ADCY1: variants seen among roughly 807,000 people sequenced by gnomAD.
ADCY1 encodes adenylate cyclase type 1.
ADCY1 carries 28 observed loss-of-function variants against 105.4 expected under a neutral mutation model. That is an observed-to-expected ratio of 0.27 (90% CI 0.20 to 0.36). ADCY1 has a LOEUF of 0.36. ADCY1 is among the 10% of genes least tolerant of loss of function. The probability of loss-of-function intolerance (pLI) is 1.00; values close to 1 mark genes in which losing one functional copy is unlikely to be tolerated. For missense variants in ADCY1, 977 were observed against 1,434.2 expected (o/e 0.68, Z 5.15); for synonymous variants, 655 against 623.8 (o/e 1.05, Z -0.75).
At chr7:45,588,899 G>T (rs941924097) in intron 1 of ADCY1, among the ~76,000 whole-genome samples, 6 of 149,158 alleles carry the variant, frequency 4.0e-5, no homozygotes, top group Non-Finnish European at 7.5e-5. Flanking sequence ...GTGTGTATGT[G>T]TGTGTGTAAC....
upstream of ADCY1, chr7:45,574,271 C>A: frequency 2.3e-6 from 1 of 434,704 alleles, no homozygotes; most frequent in Non-Finnish European, 3.1e-6. This position sits in a 1 kb window ranked among gnomAD's most constrained non-coding sequence, Gnocchi z 7.0. Flanking sequence ...CCCAGGTTCG[C>A]GGCTCCCGGG....
intron 11 of ADCY1, chr7:45,680,736 T>A (rs1032088573): frequency 1.8e-4 from 28 of 152,334 alleles, no homozygotes; most frequent in Admixed American, 5.2e-4. Context: ...AAAACTGCTG[T>A]TTTTCATATA....
At chr7:45,593,540 C>CT (rs368737901) in intron 2 of ADCY1, among the ~76,000 whole-genome samples, 1 of 152,204 alleles carries the variant, frequency 6.6e-6, no homozygotes, top group Non-Finnish European at 1.5e-5. Context: ...TCTCTGTCTG[C>CT]TGCGCGGGGC....
At position 45,677,972 on chromosome 7, in the gene ADCY1, G is replaced by T. The variant is rs1458172812; in HGVS notation, c.1709G>T (p.Ser570Ile). The T allele has an allele frequency of 6.2e-7, 1 of 1,614,208 alleles. No individual in the cohort carries two copies. Among genetic ancestry groups the T allele is most frequent in the East Asian group, 2.2e-5 (1 of 44,884 alleles). Reference protein sequence around the residue: ...TPGTRVNRYISRLLEARQTEL... With the variant: ...TPGTRVNRYIIRLLEARQTEL... ...GGCACTCGCGTCAACAGGTACATCA[G>T]CCGCCTCTTAGAAGCCCGCCAGACA... Residue 570 changes from serine (S) to isoleucine (I), a missense_variant, in exon 9 of 20, where the codon AGC becomes ATC. Physicochemically the swap from Ser to Ile is moderately radical, Grantham distance 142 (BLOSUM62 -2). This residue lies in a region of ADCY1 where 275 missense variants were observed against 362.1 expected (regional missense o/e 0.76). Transcript: ENST00000297323.
chr7:45,684,791 G>T, intron 11 of ADCY1, 188 bp from the exon 12 acceptor site: 1 of 500,664 alleles, frequency 2.0e-6, no homozygotes, highest in Non-Finnish European at 3.6e-6. Flanking sequence ...TTTTAACTTT[G>T]GCAAGCTTTT....
intron 14 of ADCY1, among the ~76,000 whole-genome samples, chr7:45,694,132 A>C (rs1422500929): frequency 6.6e-5 from 10 of 151,096 alleles, no homozygotes; most frequent in East Asian, 1.9e-4. Context: ...AAAAAAAAAA[A>C]AAAAACACTG....
At position 45,580,473 on chromosome 7, in the gene ADCY1, C is replaced by T. The variant is rs908161466; in HGVS notation, c.639+5291C>T. Among the ~76,000 whole-genome samples, 43 of 152,158 alleles carry T rather than the reference C, an allele frequency of 2.8e-4. 1 individual carries two copies. The highest frequency in any genetic ancestry group is 2.4e-3 in the Admixed American group (36 of 15,276). On this transcript the variant is annotated intron_variant, in intron 1 of 19. Coordinates refer to ENST00000297323, the MANE Select transcript of ADCY1 (RefSeq NM_021116.4). ...AGGCTTGAGCACGGGGCTGGGGTAC[C>T]GGGAGAATAAGACCTCCCTTCCTCT...
chr7:45,582,534 G>GC (rs1431294802), intron 1 of ADCY1, among the ~76,000 whole-genome samples: 1 of 114,592 alleles, frequency 8.7e-6, no homozygotes, highest in African/African-American at 3.3e-5. Flanking sequence ...ACTCGGCTGT[G>GC]CCCCTCTCTA....
At chr7:45,648,533 G>A (rs1009843791) in intron 4 of ADCY1, 137 bp from the exon 5 acceptor site, 35 of 1,145,734 alleles carry the variant, frequency 3.1e-5, no homozygotes, top group East Asian at 2.0e-4. Flanking sequence ...TGGCCTGGGC[G>A]GGAAGGTGGT....
chr7:45,629,794 C>T (rs752769963), intron 4 of ADCY1, among the ~76,000 whole-genome samples: 15 of 152,196 alleles, frequency 9.9e-5, no homozygotes, highest in Non-Finnish European at 2.1e-4. Flanking sequence ...GCTGGGATTA[C>T]AGGCGTGAGC....
intron 17 of ADCY1, among the ~76,000 whole-genome samples, chr7:45,706,683 C>G (rs1291419515): frequency 6.6e-6 from 1 of 151,866 alleles, no homozygotes; most frequent in Non-Finnish European, 1.5e-5. Flanking sequence ...AAGCATGATT[C>G]ATGAAAGAAA....
chr7:45,664,158 G>A (rs1202106781), intron 8 of ADCY1: 7 of 775,644 alleles, frequency 9.0e-6, no homozygotes, highest in Non-Finnish European at 1.5e-5. Flanking sequence ...TGAGGGTGGG[G>A]CGTTCCTGCT....
intron 8 of ADCY1, among the ~76,000 whole-genome samples, chr7:45,668,787 A>G (rs1246051895): frequency 2.0e-5 from 3 of 152,100 alleles, no homozygotes; most frequent in East Asian, 1.9e-4. Flanking sequence ...GTAAGCTATT[A>G]ATTATTGCCT....
chr7:45,634,528 A>C (rs528539767), intron 4 of ADCY1, among the ~76,000 whole-genome samples: 1 of 151,438 alleles, frequency 6.6e-6, no homozygotes, highest in Non-Finnish European at 1.5e-5. Context: ...CTGCTCATAT[A>C]ATGAATTACC....
At chr7:45,692,888 T>C (rs995144833) in intron 14 of ADCY1, among the ~76,000 whole-genome samples, 1 of 152,132 alleles carries the variant, frequency 6.6e-6, no homozygotes, top group Non-Finnish European at 1.5e-5. Context: ...CAAATCTGGA[T>C]CTCAAGAGCA....
Position 45,711,607 on chromosome 7 carries a change from G to GTATATATA in ADCY1, c.3057+986_3057+993dup, listed in dbSNP as rs71030888. Among the ~76,000 whole-genome samples the GTATATATA allele has an allele frequency of 7.7e-3, 538 of 69,770 alleles. 1 individual carries two copies. Among genetic ancestry groups the GTATATATA allele is most frequent in the South Asian group, 0.019 (34 of 1,800 alleles). 45.8% of individuals were successfully genotyped at this position (69,770 alleles called of 152,430 possible). ...CCATCCACCTCCAGAACTTCGTGCT[G>GTATATATA]TATATATATATATATATATATATAT... is the stretch of plus-strand genomic sequence containing the variant. On this transcript the variant is annotated intron_variant, in intron 19 of 19. Coordinates refer to ENST00000297323, the MANE Select transcript of ADCY1 (RefSeq NM_021116.4).
intron 14 of ADCY1, among the ~76,000 whole-genome samples, chr7:45,688,997 G>A (rs934260135): frequency 2.0e-5 from 3 of 150,234 alleles, no homozygotes; most frequent in African/African-American, 4.9e-5. Flanking sequence ...GTTAGTGCCT[G>A]TTCTGGGCAG....
chr7:45,679,727 C>G lies in ADCY1; in HGVS notation c.1917C>G (p.Leu639=). Residue 639 remains leucine, a synonymous_variant, in exon 11 of 20, where the codon CTC becomes CTG. Transcript: ENST00000297323. ...LIFPQSVVVL[L]LLVFCICFLV... The stretch of plus-strand genomic sequence containing the variant: ...CCCCCAGGAGTGTGGTCGTCCTGCT[C>G]CTGCTAGTATTCTGCATCTGCTTCC... The G allele has an allele frequency of 6.2e-7, 1 of 1,614,220 alleles. No homozygotes were observed. The highest frequency in any genetic ancestry group is 8.5e-7 in the Non-Finnish European group (1 of 1,180,044).
At chr7:45,601,988 C>CA (rs1178425765) in intron 2 of ADCY1, among the ~76,000 whole-genome samples, 1 of 152,070 alleles carries the variant, frequency 6.6e-6, no homozygotes, top group Non-Finnish European at 1.5e-5. Context: ...GCCAGGGCTT[C>CA]AGGAGGTGGC....
Sources: allele counts gnomAD v4.1 joint callset (sites outside exome capture counted in the v4.1 genomes callset), GRCh38; gene constraint gnomAD v4.1.1; regional missense constraint gnomAD v4.1.1; non-coding constraint Gnocchi (gnomAD v3.1); transcripts MANE v1.5; gene names NCBI Gene and HGNC (gene_info 2026-07-23, HGNC 2026-07-21).